The following SPDYE5 variants were observed in gnomAD, a reference collection of about 807,000 sequenced individuals.
The protein encoded by SPDYE5 is speedy protein E5.
A neutral mutation model predicts 48.5 loss-of-function variants in SPDYE5; 15 were observed. That is an observed-to-expected ratio of 0.31 (90% CI 0.21 to 0.48). The LOEUF (loss-of-function observed/expected upper bound fraction) is 0.48. Ranked by LOEUF, SPDYE5 falls within the 20% of genes least tolerant of loss-of-function variation. The pLI is 0.99. For missense variants in SPDYE5, 331 were observed against 549.1 expected, an observed-to-expected ratio of 0.60 and a Z score of 3.97; for synonymous variants, 116 against 200.7, an observed-to-expected ratio of 0.58 and a Z score of 3.57.
At chr7:75,497,568 T>A (rs1317102585) in intron 4 of SPDYE5, among the ~76,000 whole-genome samples, 14 of 147,968 alleles carry the variant, frequency 9.5e-5, no homozygotes, top group Non-Finnish European at 1.4e-4. Context: ...AGTGTTTCCA[T>A]CCATAGTGAG....
rs1244620182 is a variant in SPDYE5, at chr7:75,503,851, A to T, written c.*1064A>T. ...GAAATATTATTTTAAATATTTTTGAAATACTGCTATTTTTGAATAGATGCT... is the reference window on the plus strand; with the variant it reads ...GAAATATTATTTTAAATATTTTTGATATACTGCTATTTTTGAATAGATGCT... On this transcript the variant is annotated 3_prime_UTR_variant, in exon 9 of 9. Transcript: ENST00000625065. The T allele has an allele frequency of 6.6e-6, 1 of 151,132 alleles. No individual in the cohort carries two copies. The highest frequency in any genetic ancestry group is 1.9e-4 in the East Asian group (1 of 5,170). The allele number at this position is 151,132 out of a possible 1,614,324, so 9.4% of individuals were successfully genotyped here.
rs1193497671 is a variant in SPDYE5 at position 75,503,657 on chromosome 7, G to C, written c.*870G>C. ...CTGTTTAGGTTTGTGACTGAATTGT[G>C]AGAATTCAGTTGTGATTTTTAACAT... On this transcript the variant is annotated 3_prime_UTR_variant, in exon 9 of 9. Transcript: ENST00000625065. 4 of 150,584 alleles carry C rather than the reference G, an allele frequency of 2.7e-5. No individual in the cohort carries two copies. Among genetic ancestry groups the C allele is most frequent in the Non-Finnish European group, 4.4e-5 (3 of 67,524 alleles). 9.3% of individuals were successfully genotyped at this position (150,584 alleles called of 1,614,324 possible).
Position 75,501,893 on chromosome 7 carries a change from C to G in SPDYE5, c.1165C>G (p.Pro389Ala). 1 of 1,611,628 alleles carries G rather than the reference C, an allele frequency of 6.2e-7. No homozygotes were observed. The highest frequency in any genetic ancestry group is 8.5e-7 in the Non-Finnish European group (1 of 1,179,750). The change falls in exon 8 of 9, where the codon CCA becomes GCA. Residue 389 changes from proline (P) to alanine (A), a missense_variant. Transcript: ENST00000625065. ...EELEEIQAYD[P>A]EHWVWARDRA... ...GTTTTTCCAGATCCAGGCTTATGAC[C>G]CAGAGCACTGGGTGTGGGCGCGAGA... is the stretch of plus-strand genomic sequence containing the variant.
rs1214642418 is a variant in SPDYE5, at chr7:75,499,893, G to A, written c.755+577G>A. Among the ~76,000 whole-genome samples, 868 of 138,934 alleles carry A rather than the reference G, an allele frequency of 6.2e-3. 11 individuals carry two copies. Among genetic ancestry groups the A allele is most frequent in the African/African-American group, 0.022 (800 of 37,024 alleles). The allele number at this position is 138,934 out of a possible 152,430, so 91.1% of individuals were successfully genotyped here. On this transcript the variant is annotated intron_variant, in intron 6 of 8. Coordinates refer to ENST00000625065, the MANE Select transcript of SPDYE5 (RefSeq NM_001306141.4). ...GGGAAAAGAAAAGGAGTGGAGGAGC[G>A]GACATGCCGCTTCCTCCAGCAAGCA...
At position 75,501,715 on chromosome 7, in the gene SPDYE5, T is replaced by A; in HGVS notation, c.1109T>A (p.Met370Lys). 1.2e-6 allele frequency: 2 copies of A among 1,611,408 alleles called. No homozygotes were observed. Among genetic ancestry groups the A allele is most frequent in the African/African-American group, 2.7e-5 (2 of 74,812 alleles). ...QKRRFQFFCS[M>K]SGRAWVSPEE... ...CGTCGGTTCCAGTTCTTCTGTTCCA[T>A]GAGCGGCAGGGCTTGGGTTTCCCCG... is the stretch of plus-strand genomic sequence containing the variant. The change falls in exon 7 of 9, where the codon ATG (methionine) becomes AAG (lysine). Residue 370 changes from methionine (M) to lysine (K), a missense_variant. Met to Lys is a moderately conservative substitution (Grantham distance 95). Coordinates refer to ENST00000625065, the MANE Select transcript of SPDYE5 (RefSeq NM_001306141.4).
At chr7:75,500,570 G>A (rs1329498165) in intron 6 of SPDYE5, among the ~76,000 whole-genome samples, 1 of 151,378 alleles carries the variant, frequency 6.6e-6, no homozygotes, top group Non-Finnish European at 1.5e-5. Flanking sequence ...GACTTCCCCT[G>A]TCCCCCAAGC....
Position 75,501,476 on chromosome 7 carries a change from G to T in SPDYE5, c.870G>T (p.Gln290His). 6.7e-7 allele frequency: 1 copy of T among 1,495,734 alleles called. No individual in the cohort carries two copies. Among genetic ancestry groups the T allele is most frequent in the Non-Finnish European group, 9.0e-7 (1 of 1,114,778 alleles). The allele number at this position is 1,495,734 out of a possible 1,614,324, so 92.7% of individuals were successfully genotyped here. Residue 290 changes from glutamine (Q) to histidine (H), a missense_variant, in exon 7 of 9, where the codon CAG (glutamine) becomes CAT (histidine). Physicochemically the swap from Gln to His is conservative, Grantham distance 24. Coordinates refer to ENST00000625065, the MANE Select transcript of SPDYE5 (RefSeq NM_001306141.4). ...RIPLLRKRWFQLGRSMNPRAR... is the reference protein window; with the variant it reads ...RIPLLRKRWFHLGRSMNPRAR... ...CCTTGCTCCGTAAGCGTTGGTTCCA[G>T]TTAGGCCGTTCCATGAACCCGAGGG...
At chr7:75,492,688 T>G (rs1378317828) in intron 1 of SPDYE5, among the ~76,000 whole-genome samples, 37 of 152,120 alleles carry the variant, frequency 2.4e-4, no homozygotes, top group Non-Finnish European at 3.5e-4. Context: ...ATCCACCCAC[T>G]TTGGCCTCCC....
intron 5 of SPDYE5, among the ~76,000 whole-genome samples, chr7:75,498,328 T>G (rs1373210547): frequency 6.6e-6 from 1 of 151,988 alleles, no homozygotes; most frequent in Non-Finnish European, 1.5e-5. Context: ...TTTGCCATGT[T>G]GGCCAGGTTG....
At position 75,495,263 on chromosome 7, in the gene SPDYE5, C is replaced by G. The variant is rs1222081820; in HGVS notation, c.268C>G (p.Pro90Ala). The G allele has an allele frequency of 6.4e-7, 1 of 1,556,818 alleles. No homozygotes were observed. The highest frequency in any genetic ancestry group is 2.4e-5 in the East Asian group (1 of 42,338). Residue 90 changes from proline (P) to alanine (A), a missense_variant, in exon 3 of 9, where the codon CCT (proline) becomes GCT (alanine). This residue lies in a region of SPDYE5 where 65 missense variants were observed against 138.2 expected (regional missense o/e 0.47). Coordinates refer to ENST00000625065, the MANE Select transcript of SPDYE5 (RefSeq NM_001306141.4). ...GCCGGAGAAGGAGCTCGCCCCTGAA[C>G]CTGAGGAGACCTGGGTAGTGGAGAT... is the stretch of plus-strand genomic sequence containing the variant. Reference protein sequence around the residue: ...EEPEKELAPEPEETWVVEMLC... With the variant: ...EEPEKELAPEAEETWVVEMLC...
chr7:75,503,910 T>G lies in SPDYE5; in HGVS notation c.*1123T>G, dbSNP rs587761071. On this transcript the variant is annotated 3_prime_UTR_variant, in exon 9 of 9. Transcript: ENST00000625065. Reference sequence around the variant, plus strand: ...AAAGCTGTGTGATGGGTGTTATAACTGTTATATACACATACGTATAATTTT... The same window carrying G: ...AAAGCTGTGTGATGGGTGTTATAACGGTTATATACACATACGTATAATTTT... 34 of 151,956 alleles carry G rather than the reference T, an allele frequency of 2.2e-4. 1 individual carries two copies. The South Asian group carries it at 6.2e-3, about 28-fold the overall frequency. 9.4% of individuals were successfully genotyped at this position (151,956 alleles called of 1,614,324 possible).
chr7:75,502,917 C>G lies in SPDYE5; in HGVS notation c.*130C>G, dbSNP rs1320432180. The G allele has an allele frequency of 5.1e-5, 46 of 906,244 alleles. No individual in the cohort carries two copies. Among genetic ancestry groups the G allele is most frequent in the Non-Finnish European group, 7.0e-5 (45 of 640,136 alleles). The allele number at this position is 906,244 out of a possible 1,614,324, so 56.1% of individuals were successfully genotyped here. ...CAGACACCAGGAAGGAGGAGAGGAA[C>G]CATTTGTGCAGATCATCTAGAAGAA... On this transcript the variant is annotated 3_prime_UTR_variant, in exon 9 of 9. Transcript: ENST00000625065.
At chr7:75,502,685 G>A in intron 8 of SPDYE5, 148 bp from the exon 9 acceptor site, 1 of 1,149,162 alleles carries the variant, frequency 8.7e-7, no homozygotes, top group Non-Finnish European at 1.1e-6. Flanking sequence ...GAACACCAAG[G>A]TTCAGAAGCA....
intron 3 of SPDYE5, 137 bp from the exon 4 acceptor site, chr7:75,496,537 G>A (rs1160126953): frequency 8.6e-7 from 1 of 1,163,286 alleles, no homozygotes; most frequent in African/African-American, 1.6e-5. Flanking sequence ...AGAGGAGACA[G>A]ACAGAAGGAA....
chr7:75,502,852 A>G lies in SPDYE5; in HGVS notation c.*65A>G, dbSNP rs1302632013. On this transcript the variant is annotated 3_prime_UTR_variant, in exon 9 of 9. Coordinates refer to ENST00000625065, the MANE Select transcript of SPDYE5 (RefSeq NM_001306141.4). ...TTCCAGAACACCGGACCCAGGGGAG[A>G]TGTGGATTTTCAGCAGGAACTTTAT... 2.0e-6 allele frequency: 2 copies of G among 986,020 alleles called. No individual in the cohort carries two copies. Among genetic ancestry groups the G allele is most frequent in the Non-Finnish European group, 2.7e-6 (2 of 744,898 alleles). 61.1% of individuals were successfully genotyped at this position (986,020 alleles called of 1,614,324 possible). A position where few individuals can be genotyped will look rare whatever the true frequency, so the allele number is the denominator to read the frequency against.
intron 8 of SPDYE5, among the ~76,000 whole-genome samples, chr7:75,502,625 G>A (rs1489253227): frequency 6.9e-6 from 1 of 145,552 alleles, no homozygotes; most frequent in Non-Finnish European, 1.5e-5. Context: ...CTGACCTTGG[G>A]TGTATTAAGT....
upstream of SPDYE5, among the ~76,000 whole-genome samples, chr7:75,492,155 A>G (rs1554481824): frequency 6.6e-6 from 1 of 152,140 alleles, no homozygotes; most frequent in African/African-American, 2.4e-5. Flanking sequence ...TTCATTCCAC[A>G]AAAGAGAAAT....
Position 75,493,799 on chromosome 7 carries a change from C to A in SPDYE5, c.-249C>A. The A allele has an allele frequency of 7.1e-7, 1 of 1,418,106 alleles. No individual in the cohort carries two copies. Among genetic ancestry groups the A allele is most frequent in the Non-Finnish European group, 9.2e-7 (1 of 1,085,740 alleles). The allele number at this position is 1,418,106 out of a possible 1,614,324, so 87.8% of individuals were successfully genotyped here. On this transcript the variant is annotated 5_prime_UTR_variant, in exon 2 of 9. Coordinates refer to ENST00000625065, the MANE Select transcript of SPDYE5 (RefSeq NM_001306141.4). ...GACAGTGGCAGGAGATACCATTCAC[C>A]CAGGATCTCCAGGACAAGAGATCAG...
Position 75,493,933 on chromosome 7 carries a change from G to A in SPDYE5, c.-115G>A, listed in dbSNP as rs1490829543. The stretch of plus-strand genomic sequence containing the variant: ...GGAGGGACCGGACTCCGTGGTGCCT[G>A]GAGATCAGTTGGACAACAGTATCTT... On this transcript the variant is annotated 5_prime_UTR_variant, in exon 2 of 9. It introduces an in-frame stop codon into an upstream open reading frame of the 5' UTR. Transcript: ENST00000625065. 537 of 1,492,978 alleles carry A rather than the reference G, an allele frequency of 3.6e-4. No individual in the cohort carries two copies. The highest frequency in any genetic ancestry group is 2.9e-4 in the Non-Finnish European group (321 of 1,123,456). 92.5% of individuals were successfully genotyped at this position (1,492,978 alleles called of 1,614,324 possible).
Sources: allele counts gnomAD v4.1 joint callset (sites outside exome capture counted in the v4.1 genomes callset), GRCh38; gene constraint gnomAD v4.1.1; regional missense constraint gnomAD v4.1.1; transcripts MANE v1.5; gene names NCBI Gene and HGNC (gene_info 2026-07-23, HGNC 2026-07-21).